GPC5: variants seen among roughly 807,000 people sequenced by gnomAD.
GPC5 encodes glypican 5.
A neutral mutation model predicts 53.9 loss-of-function variants in GPC5; 47 were observed. The observed-to-expected ratio is 0.87, with a 90% CI of 0.69 to 1.11. The LOEUF is 1.11. Among genes scored for constraint, GPC5 ranks in the 50% most tolerant of loss-of-function variants. The probability of loss-of-function intolerance (pLI) is 0.00; values close to 1 mark genes in which losing one functional copy is unlikely to be tolerated. For synonymous variants in GPC5, 286 were observed against 263.3 expected, an observed-to-expected ratio of 1.09 and a Z score of -0.84; for missense variants, 748 against 713.1, an observed-to-expected ratio of 1.05 and a Z score of -0.56.
chr13:91,632,099 G>A (rs565020597), intron 2 of GPC5, among the ~76,000 whole-genome samples: 2 of 152,280 alleles, frequency 1.3e-5, no homozygotes, highest in South Asian at 4.1e-4. Flanking sequence ...ACACTGTGGA[G>A]AGATGTCCTT....
chr13:92,217,911 C>CTTTTTTT (rs61595116), intron 7 of GPC5, among the ~76,000 whole-genome samples: 2 of 85,202 alleles, frequency 2.3e-5, no homozygotes, highest in African/African-American at 1.0e-4. Context: ...ATTATTTCTA[C>CTTTTTTT]TTTTTTTTTT....
chr13:92,156,345 A>G (rs1319389725), intron 7 of GPC5, among the ~76,000 whole-genome samples: 5 of 152,090 alleles, frequency 3.3e-5, no homozygotes, highest in Non-Finnish European at 7.4e-5. Flanking sequence ...CCTTGCATCC[A>G]CCCATTATTA....
chr13:92,619,469 G>A (rs555831219), intron 7 of GPC5, among the ~76,000 whole-genome samples: 2 of 151,878 alleles, frequency 1.3e-5, no homozygotes, highest in Non-Finnish European at 2.9e-5. Flanking sequence ...TCGCATATAC[G>A]TCTTTAAAAT....
chr13:92,662,580 A>T (rs1260674280), intron 7 of GPC5, among the ~76,000 whole-genome samples: 2 of 152,124 alleles, frequency 1.3e-5, no homozygotes, highest in East Asian at 3.9e-4. Context: ...GCCACTCAAA[A>T]TTTATTGAGT....
intron 7 of GPC5, among the ~76,000 whole-genome samples, chr13:92,758,600 G>T (rs550372037): frequency 9.5e-4 from 144 of 152,228 alleles, no homozygotes; most frequent in African/African-American, 3.4e-3. Flanking sequence ...TTCTTTGGCT[G>T]TTATAGCCAT....
intron 2 of GPC5, among the ~76,000 whole-genome samples, chr13:91,465,045 G>A (rs1333005385): frequency 6.6e-6 from 1 of 151,906 alleles, no homozygotes; most frequent in Non-Finnish European, 1.5e-5. Context: ...ATTGCTCTTG[G>A]GACATATTCA....
intron 7 of GPC5, among the ~76,000 whole-genome samples, chr13:92,335,736 C>A (rs1384792999): frequency 6.6e-6 from 1 of 152,136 alleles, no homozygotes; most frequent in African/African-American, 2.4e-5. Context: ...TGCTGCCAGT[C>A]TTTTTGCATA....
At chr13:92,095,873 T>A (rs990886798) in intron 6 of GPC5, among the ~76,000 whole-genome samples, 1 of 152,186 alleles carries the variant, frequency 6.6e-6, no homozygotes, top group Non-Finnish European at 1.5e-5. Flanking sequence ...CAATTGGTAT[T>A]CACAGAACTC....
intron 7 of GPC5, among the ~76,000 whole-genome samples, chr13:92,544,630 T>C (rs1223741615): frequency 1.3e-5 from 2 of 152,166 alleles, no homozygotes; most frequent in African/African-American, 2.4e-5. Context: ...AGCAGCTGGC[T>C]CTTCCCTCGT....
chr13:91,542,811 G>A (rs1399988989), intron 2 of GPC5, among the ~76,000 whole-genome samples: 7 of 149,378 alleles, frequency 4.7e-5, no homozygotes, highest in Non-Finnish European at 4.4e-5. Context: ...AGCCTCCTGA[G>A]TAACTGGGAT....
At chr13:92,312,973 A>G (rs2043155409) in intron 7 of GPC5, among the ~76,000 whole-genome samples, 1 of 152,182 alleles carries the variant, frequency 6.6e-6, no homozygotes, top group South Asian at 2.1e-4. Context: ...TGGGCTGCCT[A>G]TAATACTTCT....
At chr13:91,459,213 TA>T (rs199682994) in intron 2 of GPC5, among the ~76,000 whole-genome samples, 2 of 151,134 alleles carry the variant, frequency 1.3e-5, no homozygotes, top group Non-Finnish European at 3.0e-5. Context: ...CTATTGAAAT[TA>T]AAAAAAAGAA....
At chr13:92,545,490 A>C (rs928297431) in intron 7 of GPC5, among the ~76,000 whole-genome samples, 1 of 152,158 alleles carries the variant, frequency 6.6e-6, no homozygotes, top group Non-Finnish European at 1.5e-5. Flanking sequence ...CTGAGGAATC[A>C]CCACACTGAC....
chr13:92,777,495 G>T (rs1430639110), intron 7 of GPC5, among the ~76,000 whole-genome samples: 1 of 151,814 alleles, frequency 6.6e-6, no homozygotes, highest in African/African-American at 2.4e-5. Context: ...TAGCTGGGTG[G>T]CACCCGCCTG....
At position 91,801,383 on chromosome 13, in the gene GPC5, C is replaced by T. The variant is rs1483619611; in HGVS notation, c.1280+44963C>T. On this transcript the variant is annotated intron_variant, in intron 5 of 7. Coordinates refer to ENST00000377067, the MANE Select transcript of GPC5 (RefSeq NM_004466.6). ...CATGATGAACACATTTCAGAATTTA[C>T]AATTGTTTCTTGGCCTGAATAAGAT... Among the ~76,000 whole-genome samples, 3 of 151,768 alleles carry T rather than the reference C, an allele frequency of 2.0e-5. 1 individual carries two copies. The highest frequency in any genetic ancestry group is 1.3e-4 in the Admixed American group (2 of 15,208).
intron 6 of GPC5, among the ~76,000 whole-genome samples, chr13:91,981,510 C>G (rs559388576): frequency 6.5e-4 from 99 of 152,268 alleles, no homozygotes; most frequent in African/African-American, 2.1e-3. Flanking sequence ...AGGATGGTCT[C>G]GATCTCCTGA....
intron 7 of GPC5, among the ~76,000 whole-genome samples, chr13:92,423,071 C>T (rs1876655423): frequency 6.7e-6 from 1 of 150,112 alleles, no homozygotes; most frequent in Non-Finnish European, 1.5e-5. Flanking sequence ...GGTCCCGCTT[C>T]CTGGTTCATA....
chr13:92,563,506 C>T (rs1882765759), intron 7 of GPC5, among the ~76,000 whole-genome samples: 1 of 151,874 alleles, frequency 6.6e-6, no homozygotes, highest in South Asian at 2.1e-4. Context: ...TCTTTCTTTG[C>T]TTATACAAAG....
At chr13:91,429,254 T>C (rs1879265872) in intron 1 of GPC5, among the ~76,000 whole-genome samples, 2 of 152,198 alleles carry the variant, frequency 1.3e-5, no homozygotes, top group Admixed American at 1.3e-4. Context: ...CTTTAGTTAC[T>C]CTTCAAGGCA....
Sources: allele counts gnomAD v4.1 joint callset (sites outside exome capture counted in the v4.1 genomes callset), GRCh38; gene constraint gnomAD v4.1.1; transcripts MANE v1.5; gene names NCBI Gene and HGNC (gene_info 2026-07-23, HGNC 2026-07-21).